FKBP7: variants seen among roughly 807,000 people sequenced by gnomAD.
FKBP7 encodes the protein FKBP prolyl isomerase 7.
A neutral mutation model predicts 24.3 loss-of-function variants in FKBP7; 24 were observed. The ratio of observed to expected loss-of-function variants is 0.99; its 90% confidence interval spans 0.72 to 1.39. The LOEUF is 1.39. Ranked by LOEUF, FKBP7 falls within the 40% of genes most tolerant of loss-of-function variation. The pLI is 0.00. For synonymous variants in FKBP7, 98 were observed against 92.8 expected, an observed-to-expected ratio of 1.06 and a Z score of -0.32; for missense variants, 257 against 269.5, an observed-to-expected ratio of 0.95 and a Z score of 0.33.
At chr2:178,477,346 G>A (rs1685040354) in intron 1 of FKBP7, 133 bp from the exon 2 acceptor site, 2 of 830,112 alleles carry the variant, frequency 2.4e-6, no homozygotes, top group South Asian at 3.8e-5. Context: ...CCCTTAATGG[G>A]GTGTTTGACT....
chr2:178,477,107 T>C lies in FKBP7; in HGVS notation c.328A>G (p.Lys110Glu), dbSNP rs1279646084. ...GCAAATGAAGGGGGTATAACTACTT[T>C]TCGCTTTTCTCCAGGGCACATATCT... ...MTDMCPGEKR[K>E]VVIPPSFAYG... The change falls in exon 2 of 4, where the codon AAA becomes GAA. Residue 110 changes from lysine to glutamate, a missense_variant. By Grantham distance (56) the Lys-to-Glu change is moderately conservative (BLOSUM62 1). Transcript: ENST00000424785. 2 of 1,613,116 alleles carry C rather than the reference T, an allele frequency of 1.2e-6. No homozygotes were observed. Among genetic ancestry groups the C allele is most frequent in the Non-Finnish European group, 1.7e-6 (2 of 1,179,610 alleles).
chr2:178,467,900 A>G (rs1369884511), intron 3 of FKBP7: 1 of 152,110 alleles, frequency 6.6e-6, no homozygotes, highest in Non-Finnish European at 1.5e-5. Flanking sequence ...ATTCACTCTA[A>G]AAAAGGGTGA....
At chr2:178,466,254 G>A (rs898307861) in intron 3 of FKBP7, among the ~76,000 whole-genome samples, 2 of 152,036 alleles carry the variant, frequency 1.3e-5, no homozygotes, top group Non-Finnish European at 2.9e-5. Flanking sequence ...GGAAAATCAC[G>A]CATGACTGCC....
Position 178,477,078 on chromosome 2 carries a change from G to A in FKBP7, c.357C>T (p.Tyr119=), listed in dbSNP as rs114905815. ...RKVVIPPSFA[Y]GKEGYAEGKI... is the part of the protein sequence containing the mutation. ...ACATCTTACCATAGCCTTCCTTTCC[G>A]TATGCAAATGAAGGGGGTATAACTA... Residue 119 remains tyrosine, a synonymous_variant, in exon 2 of 4, where the codon TAC becomes TAT. Coordinates refer to ENST00000424785, the MANE Select transcript of FKBP7 (RefSeq NM_181342.3). 447 of 1,595,404 alleles carry A rather than the reference G, an allele frequency of 2.8e-4. 2 individuals are homozygous for A. In the African/African-American group the frequency reaches 5.4e-3, roughly 19 times the overall value.
intron 2 of FKBP7, among the ~76,000 whole-genome samples, chr2:178,471,566 A>G (rs1339569226): frequency 1.3e-5 from 2 of 152,212 alleles, no homozygotes; most frequent in Non-Finnish European, 2.9e-5. Flanking sequence ...TAAATATGTC[A>G]TAAAAGTGAC....
chr2:178,472,871 A>AT (rs1684888623), intron 2 of FKBP7, among the ~76,000 whole-genome samples: 1 of 139,152 alleles, frequency 7.2e-6, no homozygotes, highest in Non-Finnish European at 1.6e-5. Context: ...AAAAAAAAAA[A>AT]GGATATATTG....
chr2:178,472,969 A>G (rs1200476001), intron 2 of FKBP7: 1 of 608,848 alleles, frequency 1.6e-6, no homozygotes, highest in Non-Finnish European at 2.6e-6. Context: ...CTACGGAATT[A>G]CTTATATTTA....
In FKBP7 at chr2:178,464,679, C is replaced by T. The variant is rs1240552361; in HGVS notation, c.*1091G>A. 1 of 152,192 alleles carries T rather than the reference C, an allele frequency of 6.6e-6. No homozygotes were observed. Among genetic ancestry groups the T allele is most frequent in the Non-Finnish European group, 1.5e-5 (1 of 68,020 alleles). 9.4% of individuals were successfully genotyped at this position (152,192 alleles called of 1,614,324 possible). ...GGTGTGGACACAAAGCCTGACCATA[C>T]CATGCAGTATGCAAAATCTATGTTC... On this transcript the variant is annotated 3_prime_UTR_variant, in exon 4 of 4. Transcript: ENST00000424785.
intron 2 of FKBP7, among the ~76,000 whole-genome samples, chr2:178,476,741 C>T (rs775156292): frequency 2.5e-5 from 3 of 120,986 alleles, no homozygotes; most frequent in Non-Finnish European, 4.8e-5. Context: ...TTTTGTAGAG[C>T]AGGGTCTTGC....
At position 178,469,738 on chromosome 2, in the gene FKBP7, G is replaced by T; in HGVS notation, c.421C>A (p.Leu141Ile). The T allele has an allele frequency of 6.2e-7, 1 of 1,613,844 alleles. No individual in the cohort carries two copies. The change falls in exon 3 of 4, where the codon CTT becomes ATT. Residue 141 changes from leucine (L) to isoleucine (I), a missense_variant. Physicochemically the swap from Leu to Ile is conservative, Grantham distance 5 (BLOSUM62 2). Coordinates refer to ENST00000424785, the MANE Select transcript of FKBP7 (RefSeq NM_181342.3). ...CGTGGTCCTTTGGTCACAGCATAAA[G>T]TTCAATCTCAAAAATCAATGTAGCA... Reference protein sequence around the residue: ...PDATLIFEIELYAVTKGPRSI... With the variant: ...PDATLIFEIEIYAVTKGPRSI...
At chr2:178,473,301 G>A (rs184922840) in intron 2 of FKBP7, among the ~76,000 whole-genome samples, 62 of 152,238 alleles carry the variant, frequency 4.1e-4, no homozygotes, top group Admixed American at 1.0e-3. Flanking sequence ...CTAATGTAAC[G>A]CAGGCAAGGT....
chr2:178,472,665 A>G (rs1684881298), intron 2 of FKBP7, among the ~76,000 whole-genome samples: 1 of 151,854 alleles, frequency 6.6e-6, no homozygotes, highest in Non-Finnish European at 1.5e-5. Context: ...CCTGGCCAAC[A>G]TGGCGAAACC....
At chr2:178,474,773 G>A (rs1224760388) in intron 2 of FKBP7, among the ~76,000 whole-genome samples, 2 of 151,704 alleles carry the variant, frequency 1.3e-5, no homozygotes, top group East Asian at 3.9e-4. Flanking sequence ...CCGCAGCCTC[G>A]ACCTCCCAGG....
At chr2:178,476,164 C>T (rs1161463269) in intron 2 of FKBP7, among the ~76,000 whole-genome samples, 1 of 152,112 alleles carries the variant, frequency 6.6e-6, no homozygotes, top group African/African-American at 2.4e-5. Context: ...TATATATAAT[C>T]ATCATGAGTG....
At chr2:178,473,071 C>T in intron 2 of FKBP7, 1 of 1,305,424 alleles carries the variant, frequency 7.7e-7, no homozygotes, top group Non-Finnish European at 1.0e-6. Context: ...ACATGCATTT[C>T]AAGACATGCA....
At chr2:178,466,632 A>G (rs1167236030) in intron 3 of FKBP7, among the ~76,000 whole-genome samples, 5 of 152,152 alleles carry the variant, frequency 3.3e-5, no homozygotes, top group African/African-American at 1.2e-4. Context: ...TCAAAAAGTT[A>G]TCTCATTGAT....
chr2:178,472,917 T>TTTAAAA, intron 2 of FKBP7: 1 of 239,580 alleles, frequency 4.2e-6, no homozygotes, highest in Non-Finnish European at 7.9e-6. Flanking sequence ...TTTTTTTTTT[T>TTTAAAA]AAAAAAAACT....
intron 3 of FKBP7, 133 bp downstream of exon 3, chr2:178,469,519 T>A (rs1157265887): frequency 2.9e-5 from 27 of 918,392 alleles, no homozygotes; most frequent in Non-Finnish European, 4.2e-5. Context: ...AGATTATTTT[T>A]TAGTGACCAG....
chr2:178,471,605 G>A (rs775112998), intron 2 of FKBP7, among the ~76,000 whole-genome samples: 5 of 152,186 alleles, frequency 3.3e-5, no homozygotes, highest in South Asian at 2.1e-4. Context: ...AAGGGGCAGC[G>A]GGTAGCTTGT....
Sources: gnomAD v4.1 joint callset for allele counts (sites outside exome capture counted in the v4.1 genomes callset) on GRCh38, gnomAD v4.1.1 for gene constraint, MANE v1.5 for transcripts, NCBI Gene and HGNC (gene_info 2026-07-23, HGNC 2026-07-21) for gene names.